SHISAL1: variants seen among roughly 807,000 people sequenced by gnomAD.
The protein encoded by SHISAL1 is shisa like 1.
Under a neutral mutation model 22.6 loss-of-function variants are expected in SHISAL1, and 9 were observed. The ratio of observed to expected loss-of-function variants is 0.40; its 90% CI spans 0.24 to 0.70. The LOEUF (loss-of-function observed/expected upper bound fraction) is 0.70, where lower values mean the gene tolerates loss of function less well. Ranked by LOEUF, SHISAL1 falls within the 30% of genes least tolerant of loss-of-function variation. SHISAL1 has a pLI of 0.39. For synonymous variants in SHISAL1, 119 were observed against 115.4 expected (o/e 1.03, Z -0.20); for missense variants, 246 against 270.6 (o/e 0.91, Z 0.64).
At chr22:44,254,025 C>A (rs1440978816) in intron 4 of SHISAL1, among the ~76,000 whole-genome samples, 1 of 151,792 alleles carries the variant, frequency 6.6e-6, no homozygotes, top group Non-Finnish European at 1.5e-5. Flanking sequence ...CAGACCAAAC[C>A]AAACTTTGCC....
chr22:44,296,957 G>C (rs571230067), intron 2 of SHISAL1, 72 bp from the exon 3 acceptor site: 14 of 1,215,006 alleles, frequency 1.2e-5, no homozygotes, highest in East Asian at 4.7e-5. Flanking sequence ...AGGGGGACTG[G>C]CCGGCCTCTT....
intron 1 of SHISAL1, among the ~76,000 whole-genome samples, chr22:44,307,355 G>A (rs1484743556): frequency 1.3e-5 from 2 of 152,164 alleles, no homozygotes; most frequent in African/African-American, 4.8e-5. Flanking sequence ...TCAGAAGGGG[G>A]AAGCTGAGAC....
intron 4 of SHISAL1, among the ~76,000 whole-genome samples, chr22:44,268,361 C>A (rs1321403143): frequency 6.6e-6 from 1 of 152,200 alleles, no homozygotes; most frequent in African/African-American, 2.4e-5. Flanking sequence ...TTTTTCAAAT[C>A]CCTTCTTGCC....
chr22:44,285,004 A>G (rs955477516), intron 4 of SHISAL1, among the ~76,000 whole-genome samples: 1 of 152,056 alleles, frequency 6.6e-6, no homozygotes, highest in Non-Finnish European at 1.5e-5. Context: ...CACATAAGGA[A>G]CTAAGTAACA....
intron 4 of SHISAL1, among the ~76,000 whole-genome samples, chr22:44,268,895 G>A (rs1000473185): frequency 6.6e-6 from 1 of 152,054 alleles, no homozygotes; most frequent in African/African-American, 2.4e-5. Flanking sequence ...TATGTCCTTT[G>A]CCTCCAGGGC....
At chr22:44,261,620 ACAGCCCAGCTCAT>A (rs1461806121) in intron 4 of SHISAL1, among the ~76,000 whole-genome samples, 1 of 152,238 alleles carries the variant, frequency 6.6e-6, no homozygotes, top group Non-Finnish European at 1.5e-5. Context: ...TCCTGTGGAC[ACAGCCCAGCTCAT>A]CAGCCCACAG....
At chr22:44,270,351 C>T (rs1435316906) in intron 4 of SHISAL1, among the ~76,000 whole-genome samples, 2 of 152,206 alleles carry the variant, frequency 1.3e-5, no homozygotes, top group Non-Finnish European at 2.9e-5. Flanking sequence ...TCAGGGGACA[C>T]ATCTGGGCTC....
chr22:44,258,665 C>T (rs2055100851), intron 4 of SHISAL1, among the ~76,000 whole-genome samples: 1 of 152,168 alleles, frequency 6.6e-6, no homozygotes, highest in African/African-American at 2.4e-5. Context: ...TTTTTTATGG[C>T]TGCGTTGTAG....
At chr22:44,325,378 C>T in the SHISAL1 span, among the ~76,000 whole-genome samples, 375 of 152,216 alleles carry the variant, frequency 2.5e-3, 1 homozygote, top group African/African-American at 8.5e-3. Context: ...ATTTTCTGGA[C>T]GCAGAGACCG....
chr22:44,264,793 C>G (rs1332888171), intron 4 of SHISAL1, among the ~76,000 whole-genome samples: 1 of 151,874 alleles, frequency 6.6e-6, no homozygotes, highest in Non-Finnish European at 1.5e-5. Flanking sequence ...CCACAGCCCC[C>G]AGCAATTCAC....
At chr22:44,262,136 G>C (rs1024548829) in intron 4 of SHISAL1, among the ~76,000 whole-genome samples, 2 of 152,226 alleles carry the variant, frequency 1.3e-5, no homozygotes, top group African/African-American at 4.8e-5. Context: ...GTCCTGGCCA[G>C]GGTGGGAATT....
At chr22:44,305,763 C>T (rs868231563) in intron 1 of SHISAL1, among the ~76,000 whole-genome samples, 7 of 152,186 alleles carry the variant, frequency 4.6e-5, no homozygotes, top group African/African-American at 1.4e-4. Flanking sequence ...CCTGGCTGTG[C>T]CCCCAACCCC....
At position 44,251,710 on chromosome 22, in the gene SHISAL1, C is replaced by T. The variant is rs571447684; in HGVS notation, c.*-2025G>A. ...TTCCCATTTGTAAAGCCATCAGATTCGGTGAGATTCATTCACCATGAGAAC... is the reference window on the plus strand; with the variant it reads ...TTCCCATTTGTAAAGCCATCAGATTTGGTGAGATTCATTCACCATGAGAAC... On this transcript the variant is annotated intron_variant, in intron 4 of 4. Coordinates refer to ENST00000381176, the MANE Select transcript of SHISAL1 (RefSeq NM_001099294.2). Among the ~76,000 whole-genome samples, 8 of 152,274 alleles carry T rather than the reference C, an allele frequency of 5.3e-5. No individual in the cohort carries two copies. In the East Asian group the frequency reaches 5.8e-4, roughly 11 times the overall value.
intron 4 of SHISAL1, among the ~76,000 whole-genome samples, chr22:44,276,727 G>T (rs2055242259): frequency 6.6e-6 from 1 of 152,150 alleles, no homozygotes; most frequent in African/African-American, 2.4e-5. Context: ...TGAGGACTAG[G>T]CTCTGCAATG....
At chr22:44,287,842 A>G (rs1488645492) in intron 3 of SHISAL1, among the ~76,000 whole-genome samples, 3 of 151,874 alleles carry the variant, frequency 2.0e-5, no homozygotes, top group Non-Finnish European at 4.4e-5. Context: ...TGCTTTCCCC[A>G]GCACCCTCCC....
chr22:44,289,859 T>C (rs2055341230), intron 3 of SHISAL1, among the ~76,000 whole-genome samples: 1 of 152,224 alleles, frequency 6.6e-6, no homozygotes, highest in South Asian at 2.1e-4. Context: ...GGTGTGTGTT[T>C]TGTAAATGGC....
At chr22:44,286,380 C>A (rs1446763427) in intron 3 of SHISAL1, among the ~76,000 whole-genome samples, 3 of 152,148 alleles carry the variant, frequency 2.0e-5, no homozygotes, top group African/African-American at 7.2e-5. Flanking sequence ...CCCAACATTT[C>A]CCCACCGAGG....
At chr22:44,299,076 G>A (rs1002530625) in intron 2 of SHISAL1, among the ~76,000 whole-genome samples, 4 of 152,202 alleles carry the variant, frequency 2.6e-5, no homozygotes, top group African/African-American at 9.6e-5. Flanking sequence ...TTTGTAAACA[G>A]CAAGGCGCAG....
Position 44,285,647 on chromosome 22 carries a change from A to C in SHISAL1, c.380T>G (p.Ile127Ser). The change falls in exon 4 of 5, where the codon ATC becomes AGC. Residue 127 changes from isoleucine (I) to serine (S), a missense_variant. Physicochemically the swap from Ile to Ser is moderately radical, Grantham distance 142 (BLOSUM62 -2). Transcript: ENST00000381176. ...CCACCGTGCCAGGTAGACCTTGCAG[A>C]TGTCGTAGTTCATTGCCGAGTAATA... ...LLYYSAMNYD[I>S]CKVYLARWGI... The C allele has an allele frequency of 6.2e-7, 1 of 1,614,192 alleles. No homozygotes were observed.
Sources: allele counts gnomAD v4.1 joint callset (sites outside exome capture counted in the v4.1 genomes callset), GRCh38; gene constraint gnomAD v4.1.1; transcripts MANE v1.5; gene names NCBI Gene and HGNC (gene_info 2026-07-23, HGNC 2026-07-21).